Variants in ADAM12 observed in about 807,000 individuals in gnomAD.
ADAM12 encodes ADAM metallopeptidase domain 12.
A neutral mutation model predicts 106.4 loss-of-function variants in ADAM12; 70 were observed. That is an observed-to-expected ratio of 0.66 (90% CI 0.54 to 0.80). The LOEUF (loss-of-function observed/expected upper bound fraction) is 0.80. ADAM12 is among the 30% of genes least tolerant of loss of function. The probability of loss-of-function intolerance (pLI) is 0.00; values close to 1 mark genes in which losing one functional copy is unlikely to be tolerated. For missense variants in ADAM12, 1,010 were observed against 1,171.9 expected, an observed-to-expected ratio of 0.86 and a Z score of 2.02; for synonymous variants, 420 against 433.5, an observed-to-expected ratio of 0.97 and a Z score of 0.39.
At position 126,014,570 on chromosome 10, in the gene ADAM12, G is replaced by T. The variant is rs1056244594; in HGVS notation, c.*2709C>A. The T allele has an allele frequency of 1.3e-5, 2 of 151,476 alleles. No individual in the cohort carries two copies. Among genetic ancestry groups the T allele is most frequent in the Non-Finnish European group, 2.9e-5 (2 of 68,020 alleles). 9.4% of individuals were successfully genotyped at this position (151,476 alleles called of 1,614,324 possible). On this transcript the variant is annotated 3_prime_UTR_variant, in exon 23 of 23. Coordinates refer to ENST00000448723, the MANE Select transcript of ADAM12 (RefSeq NM_001288973.2). ...AACCTCCTGTGTGTATTTCCACAAT[G>T]GAGAATGTTAGGCTTCGTTTCCCTC...
chr10:126,103,797 G>C lies in ADAM12; in HGVS notation c.742-2556C>G, dbSNP rs181939668. ...ACACAGTCAGAGATCCAGCTGAAGC[G>C]ATTCACCTGTTTACACAACAGCAAC... is the stretch of plus-strand genomic sequence containing the variant. On this transcript the variant is annotated intron_variant, in intron 8 of 22. Transcript: ENST00000448723. Among the ~76,000 whole-genome samples, 21 of 152,354 alleles carry C rather than the reference G, an allele frequency of 1.4e-4. No individual in the cohort carries two copies. In the East Asian group the frequency reaches 4.0e-3, roughly 29 times the overall value.
At chr10:126,314,099 A>G (rs1362658455) in intron 2 of ADAM12, among the ~76,000 whole-genome samples, 1 of 152,128 alleles carries the variant, frequency 6.6e-6, no homozygotes, top group African/African-American at 2.4e-5. Context: ...GAGCCAAGCC[A>G]GGAATAAGAT....
Position 126,316,493 on chromosome 10 carries a change from G to C in ADAM12, c.186+13919C>G, listed in dbSNP as rs532579646. Among the ~76,000 whole-genome samples, 135 of 152,180 alleles carry C rather than the reference G, an allele frequency of 8.9e-4. 1 individual carries two copies. Among genetic ancestry groups the C allele is most frequent in the African/African-American group, 3.1e-3 (127 of 41,526 alleles). The stretch of plus-strand genomic sequence containing the variant: ...AACTCTAAGCCCCAAGTTGCGCAGG[G>C]CTCAATTTACATGGCTATACATGTA... On this transcript the variant is annotated intron_variant, in intron 2 of 22. Transcript: ENST00000448723.
intron 2 of ADAM12, among the ~76,000 whole-genome samples, chr10:126,324,814 T>A (rs1854234712): frequency 1.3e-5 from 2 of 151,982 alleles, no homozygotes; most frequent in South Asian, 4.2e-4. Context: ...TGTAATTGAT[T>A]GGAAGTAGAT....
At chr10:126,210,220 G>A (rs188566514) in intron 3 of ADAM12, among the ~76,000 whole-genome samples, 5 of 152,300 alleles carry the variant, frequency 3.3e-5, no homozygotes, top group Non-Finnish European at 2.9e-5. Context: ...GAAATAGCAC[G>A]TGACAAAGCT....
intron 1 of ADAM12, among the ~76,000 whole-genome samples, chr10:126,375,279 AAAAGAAAGG>A (rs1856247974): frequency 6.6e-6 from 1 of 151,870 alleles, no homozygotes; most frequent in African/African-American, 2.4e-5. Flanking sequence ...GAAAGAAAGA[AAAAGAAAGG>A]AAAGAAAGGA....
At chr10:126,090,225 G>A (rs1335319332) in intron 11 of ADAM12, among the ~76,000 whole-genome samples, 1 of 151,172 alleles carries the variant, frequency 6.6e-6, no homozygotes, top group Non-Finnish European at 1.5e-5. Flanking sequence ...AGTGGCAGGG[G>A]CTCGGTGAAT....
intron 3 of ADAM12, among the ~76,000 whole-genome samples, chr10:126,165,956 G>T (rs1323345418): frequency 6.6e-6 from 1 of 152,124 alleles, no homozygotes; most frequent in Non-Finnish European, 1.5e-5. Context: ...TTTACTAAAA[G>T]ATTCAAAATG....
chr10:126,331,813 C>A (rs1429978073), intron 1 of ADAM12, among the ~76,000 whole-genome samples: 1 of 152,124 alleles, frequency 6.6e-6, no homozygotes, highest in African/African-American at 2.4e-5. Context: ...TGCATTCAAG[C>A]GAGAAGGGTT....
rs1953651378 is a variant in ADAM12, at chr10:126,015,813, A to C, written c.*1466T>G. The C allele has an allele frequency of 6.6e-6, 1 of 152,226 alleles. No individual in the cohort carries two copies. Among genetic ancestry groups the C allele is most frequent in the Non-Finnish European group, 1.5e-5 (1 of 68,022 alleles). 9.4% of individuals were successfully genotyped at this position (152,226 alleles called of 1,614,324 possible). A position where few individuals can be genotyped will look rare whatever the true frequency, so the allele number is the denominator to read the frequency against. On this transcript the variant is annotated 3_prime_UTR_variant, in exon 23 of 23. Coordinates refer to ENST00000448723, the MANE Select transcript of ADAM12 (RefSeq NM_001288973.2). ...TGTCTTCTAATGTGAAAACCAGTCC[A>C]GAAGACAGAGGCATCATGGCATTTT...
At position 126,339,373 on chromosome 10, in the gene ADAM12, C is replaced by T. The variant is rs567205436; in HGVS notation, c.89-8864G>A. Reference sequence around the variant, plus strand: ...AAACCAACACGTTTTCAATCATACACGTCTTGTCAATACCATCCACATTCA... The same window carrying T: ...AAACCAACACGTTTTCAATCATACATGTCTTGTCAATACCATCCACATTCA... On this transcript the variant is annotated intron_variant, in intron 1 of 22. Coordinates refer to ENST00000448723, the MANE Select transcript of ADAM12 (RefSeq NM_001288973.2). 3.3e-5 allele frequency among the ~76,000 whole-genome samples: 5 copies of T among 152,306 alleles called. No homozygotes were observed. In the South Asian group the frequency reaches 8.3e-4, roughly 25 times the overall value.
chr10:126,233,270 G>A (rs145084549), intron 3 of ADAM12, among the ~76,000 whole-genome samples: 4 of 152,278 alleles, frequency 2.6e-5, no homozygotes, highest in Non-Finnish European at 5.9e-5. Flanking sequence ...GAGGACCCCT[G>A]AGGAGTGACA....
intron 3 of ADAM12, among the ~76,000 whole-genome samples, chr10:126,160,368 C>T (rs910647549): frequency 1.3e-5 from 2 of 152,120 alleles, no homozygotes; most frequent in African/African-American, 4.8e-5. Flanking sequence ...TAAATAAATA[C>T]CAACTCCCCC....
At chr10:126,297,503 T>C (rs1459835228) in intron 2 of ADAM12, among the ~76,000 whole-genome samples, 2 of 152,222 alleles carry the variant, frequency 1.3e-5, no homozygotes, top group South Asian at 2.1e-4. Flanking sequence ...TGAGCTAGAA[T>C]TGTGCCACTG....
chr10:126,214,920 C>T (rs561215558), intron 3 of ADAM12, among the ~76,000 whole-genome samples: 2 of 152,346 alleles, frequency 1.3e-5, no homozygotes, highest in East Asian at 3.9e-4. Flanking sequence ...CACGCCTCAT[C>T]CCTTACCCTC....
chr10:126,085,929 G>C (rs904263969), intron 11 of ADAM12, among the ~76,000 whole-genome samples: 1 of 152,232 alleles, frequency 6.6e-6, no homozygotes, highest in African/African-American at 2.4e-5. Flanking sequence ...GTCTGTTGTA[G>C]AGAAGTCTAG....
intron 3 of ADAM12, among the ~76,000 whole-genome samples, chr10:126,189,347 GAGTGTAGGAAGGACTGAGGC>G (rs1957455994): frequency 6.6e-6 from 1 of 152,184 alleles, no homozygotes; most frequent in Non-Finnish European, 1.5e-5. Flanking sequence ...ATACGGTGGG[GAGTGTAGGAAGGACTGAGGC>G]AAAAGGACCA....
intron 2 of ADAM12, among the ~76,000 whole-genome samples, chr10:126,312,273 G>A (rs1400698442): frequency 1.3e-5 from 2 of 152,136 alleles, no homozygotes; most frequent in Non-Finnish European, 2.9e-5. Flanking sequence ...GCACCAGCGG[G>A]GGACACAAGA....
intron 4 of ADAM12, among the ~76,000 whole-genome samples, chr10:126,147,854 G>A (rs1956657345): frequency 1.3e-5 from 2 of 152,210 alleles, no homozygotes; most frequent in African/African-American, 2.4e-5. Flanking sequence ...GCATAAGGGG[G>A]CATGTGAACA....
Sources: gnomAD v4.1 joint callset for allele counts (sites outside exome capture counted in the v4.1 genomes callset) on GRCh38, gnomAD v4.1.1 for gene constraint, MANE v1.5 for transcripts, NCBI Gene and HGNC (gene_info 2026-07-23, HGNC 2026-07-21) for gene names.